Variants in CNTN6 observed in about 807,000 individuals in gnomAD.
The protein encoded by CNTN6 is contactin-6.
In CNTN6, 137 loss-of-function variants were observed where a neutral mutation model predicts 122.8. The observed-to-expected ratio is 1.12, with a 90% CI of 0.97 to 1.29. The LOEUF is 1.29. Among genes scored for constraint, CNTN6 ranks in the 50% most tolerant of loss-of-function variants. CNTN6 has a pLI of 0.00. For missense variants in CNTN6, 1,634 were observed against 1,223.4 expected (o/e 1.34, Z -5.01); for synonymous variants, 570 against 426.0 (o/e 1.34, Z -4.16).
intron 4 of CNTN6, among the ~76,000 whole-genome samples, chr3:1,236,309 A>C (rs1460895151): frequency 3.9e-5 from 6 of 152,120 alleles, no homozygotes; most frequent in Non-Finnish European, 8.8e-5. Context: ...CAAAAACGCA[A>C]CCAAGGACCC....
In CNTN6 at chr3:1,098,783, CACACACATATATAT is replaced by C. The variant is rs1298142543; in HGVS notation, c.-83+5665_-83+5678del. 7.4e-5 allele frequency among the ~76,000 whole-genome samples: 4 copies of C among 54,104 alleles called. No homozygotes were observed. In the South Asian group the frequency reaches 2.8e-3, roughly 38 times the overall value. The allele number at this position is 54,104 out of a possible 152,430, so 35.5% of individuals were successfully genotyped here. A position where few individuals can be genotyped will look rare whatever the true frequency, so the allele number is the denominator to read the frequency against. ...ACACACACACACACACACACACACACACACACATATATATATATATATATATATATATATAGTGG... is the reference window on the plus strand; with the variant it reads ...ACACACACACACACACACACACACACATATATATATATATATATATAGTGG... On this transcript the variant is annotated intron_variant, in intron 1 of 22. Transcript: ENST00000446702.
At chr3:1,132,235 G>A (rs897022545) in intron 1 of CNTN6, among the ~76,000 whole-genome samples, 6 of 151,864 alleles carry the variant, frequency 4.0e-5, no homozygotes, top group Admixed American at 3.3e-4. Flanking sequence ...TCAAACTCAT[G>A]TCTTTTAAAA....
At chr3:1,379,177 T>C (rs1559970094) in intron 17 of CNTN6, among the ~76,000 whole-genome samples, 1 of 125,012 alleles carries the variant, frequency 8.0e-6, no homozygotes, top group Non-Finnish European at 1.7e-5. Context: ...GAGATGAGCA[T>C]GAATTACCAA....
chr3:1,319,848 T>TAAAATAAAATAAAATAAA (rs1454250276), intron 7 of CNTN6, among the ~76,000 whole-genome samples: 6 of 149,046 alleles, frequency 4.0e-5, no homozygotes, highest in Middle Eastern at 3.2e-3. Context: ...TAAAATAAAA[T>TAAAATAAAATAAAATAAA]AAAATAAAAT....
chr3:1,300,562 AAAG>A (rs1205391342), intron 7 of CNTN6, among the ~76,000 whole-genome samples: 2 of 23,826 alleles, frequency 8.4e-5, no homozygotes, highest in Non-Finnish European at 1.4e-4. Flanking sequence ...AAAGAAAAAG[AAAG>A]AAAGAAAGAA....
At chr3:1,304,393 T>C (rs1343832225) in intron 7 of CNTN6, among the ~76,000 whole-genome samples, 2 of 152,156 alleles carry the variant, frequency 1.3e-5, no homozygotes, top group African/African-American at 4.8e-5. Context: ...CAATGTAAGT[T>C]GCATAAGTTG....
At chr3:1,283,590 T>C (rs1693834346) in intron 5 of CNTN6, among the ~76,000 whole-genome samples, 1 of 152,146 alleles carries the variant, frequency 6.6e-6, no homozygotes, top group African/African-American at 2.4e-5. Context: ...TATTTAAAAA[T>C]GACAGAATGA....
At chr3:1,338,486 A>G (rs183430293) in intron 11 of CNTN6, among the ~76,000 whole-genome samples, 25 of 152,254 alleles carry the variant, frequency 1.6e-4, no homozygotes, top group African/African-American at 6.0e-4. Context: ...ACACATATCT[A>G]CTTAGATAGA....
At position 1,229,393 on chromosome 3, in the gene CNTN6, A is replaced by AGAT. The variant is rs529927190; in HGVS notation, c.358+1401_358+1403dup. Among the ~76,000 whole-genome samples, 143 of 152,280 alleles carry AGAT rather than the reference A, an allele frequency of 9.4e-4. 1 individual carries two copies. Among genetic ancestry groups the AGAT allele is most frequent in the African/African-American group, 3.3e-3 (138 of 41,574 alleles). On this transcript the variant is annotated intron_variant, in intron 4 of 22. Transcript: ENST00000446702. Reference sequence around the variant, plus strand: ...CTACAACATACACATGATATGAATCAGATTCCATAATCATAAATTTGACTC... The same window carrying AGAT: ...CTACAACATACACATGATATGAATCAGATGATTCCATAATCATAAATTTGACTC...
intron 4 of CNTN6, among the ~76,000 whole-genome samples, chr3:1,251,525 A>G (rs1001895207): frequency 8.5e-5 from 13 of 152,224 alleles, no homozygotes; most frequent in South Asian, 2.1e-4. Context: ...TTTCCCCCTT[A>G]TTTCATTCAT....
intron 11 of CNTN6, among the ~76,000 whole-genome samples, chr3:1,340,841 G>A (rs920244771): frequency 2.0e-5 from 3 of 152,124 alleles, no homozygotes; most frequent in African/African-American, 7.2e-5. Flanking sequence ...ATTACAGGGA[G>A]CTGGAGTGAA....
rs556741376 is a variant in CNTN6, at chr3:1,329,824, A to T, written c.1253A>T (p.Lys418Met). Residue 418 changes from lysine to methionine, a missense_variant, in exon 11 of 23, where the codon AAG becomes ATG. Physicochemically the swap from Lys to Met is moderately conservative, Grantham distance 95. Coordinates refer to ENST00000446702, the MANE Select transcript of CNTN6 (RefSeq NM_001289080.2). ...TTCTCCAAAAGTCCAGTTAAAAAAA[A>T]GTCTTTTGTTCAAGTTGGTGGGGAT... ...PDFSKSPVKK[K>M]SFVQVGGDIV... 1 of 1,608,500 alleles carries T rather than the reference A, an allele frequency of 6.2e-7. No homozygotes were observed. Among genetic ancestry groups the T allele is most frequent in the Admixed American group, 1.7e-5 (1 of 59,044 alleles).
intron 7 of CNTN6, among the ~76,000 whole-genome samples, chr3:1,315,743 A>G (rs925196): frequency 0.075 from 11,381 of 151,998 alleles, 685 homozygotes; most frequent in African/African-American, 0.16. Flanking sequence ...CCACACCCAC[A>G]CATCCATGTC....
chr3:1,364,269 G>A (rs1707893520), intron 12 of CNTN6, among the ~76,000 whole-genome samples: 1 of 151,834 alleles, frequency 6.6e-6, no homozygotes, highest in East Asian at 1.9e-4. Flanking sequence ...AGAGAATTTT[G>A]TCACCTATTT....
At chr3:1,227,116 A>G (rs905931875) in intron 3 of CNTN6, among the ~76,000 whole-genome samples, 6 of 152,180 alleles carry the variant, frequency 3.9e-5, no homozygotes, top group African/African-American at 1.4e-4. Context: ...AAGTAAATAT[A>G]ACTCTAAGAC....
chr3:1,271,341 A>G (rs992739993), intron 4 of CNTN6, among the ~76,000 whole-genome samples: 1 of 152,152 alleles, frequency 6.6e-6, no homozygotes, highest in Admixed American at 6.5e-5. Context: ...GAAAGAGAGG[A>G]TTGTAGTAGG....
chr3:1,322,961 G>A (rs1345417227), intron 8 of CNTN6, among the ~76,000 whole-genome samples: 1 of 151,508 alleles, frequency 6.6e-6, no homozygotes, highest in African/African-American at 2.4e-5. Flanking sequence ...GATACAAATG[G>A]GAGTTTTAGT....
At position 1,402,341 on chromosome 3, in the gene CNTN6, G is replaced by C; in HGVS notation, c.2841G>C (p.Gln947His). Residue 947 changes from glutamine to histidine, a missense_variant, in exon 22 of 23, where the codon CAG becomes CAC. Transcript: ENST00000446702. ...AGATTCTGTACCGGCAAAACAGACA[G>C]AGTAAAACTCATATTTTGGAAACAA... is the stretch of plus-strand genomic sequence containing the variant. ...GYKILYRQNR[Q>H]SKTHILETNN... 6.2e-7 allele frequency: 1 copy of C among 1,610,638 alleles called. No individual in the cohort carries two copies. Among genetic ancestry groups the C allele is most frequent in the Non-Finnish European group, 8.5e-7 (1 of 1,178,518 alleles).
chr3:1,225,704 T>A (rs1369407737), intron 3 of CNTN6, among the ~76,000 whole-genome samples: 2 of 151,558 alleles, frequency 1.3e-5, no homozygotes, highest in African/African-American at 4.8e-5. Context: ...TTATTGTTTT[T>A]TTTTTTTTTC....
Sources: allele counts gnomAD v4.1 joint callset (sites outside exome capture counted in the v4.1 genomes callset), GRCh38; gene constraint gnomAD v4.1.1; transcripts MANE v1.5; gene names NCBI Gene and HGNC (gene_info 2026-07-23, HGNC 2026-07-21).